UHMK1: variants seen among roughly 807,000 people sequenced by gnomAD.
UHMK1 encodes the protein U2AF homology motif kinase 1, also known as serine/threonine-protein kinase Kist.
UHMK1 carries 18 observed loss-of-function variants against 44.0 expected under a neutral mutation model. That is an observed-to-expected ratio of 0.41 (90% CI 0.28 to 0.61). The LOEUF (loss-of-function observed/expected upper bound fraction) is 0.61, where lower values mean the gene tolerates loss of function less well. Ranked by LOEUF, UHMK1 falls within the 20% of genes least tolerant of loss-of-function variation. UHMK1 has a pLI of 0.31. For synonymous variants in UHMK1, 231 were observed against 198.5 expected (o/e 1.16, Z -1.38); for missense variants, 463 against 522.5 (o/e 0.89, Z 1.11).
chr1:162,522,459 C>A lies in UHMK1; in HGVS notation c.1169C>A (p.Thr390Asn). ...TCCAAAGCTGCGCAGAAATTACTGA[C>A]TGGAAGGATGTTTGATGGGAAGTTT... ...GDSKAAQKLLTGRMFDGKFVV... is the reference protein window; with the variant it reads ...GDSKAAQKLLNGRMFDGKFVV... Residue 390 changes from threonine to asparagine, a missense_variant, in exon 8 of 8, where the codon ACT (threonine) becomes AAT (asparagine). Physicochemically the swap from Thr to Asn is moderately conservative, Grantham distance 65. Transcript: ENST00000489294. The A allele has an allele frequency of 6.2e-7, 1 of 1,614,134 alleles. No individual in the cohort carries two copies. The highest frequency in any genetic ancestry group is 1.7e-5 in the Admixed American group (1 of 60,016).
In UHMK1 at chr1:162,526,620, A is replaced by G. The variant is rs1047108957; in HGVS notation, c.*4070A>G. 2 of 152,110 alleles carry G rather than the reference A, an allele frequency of 1.3e-5. No homozygotes were observed. Among genetic ancestry groups the G allele is most frequent in the Non-Finnish European group, 2.9e-5 (2 of 67,976 alleles). 9.4% of individuals were successfully genotyped at this position (152,110 alleles called of 1,614,324 possible). Reference sequence around the variant, plus strand: ...GAGTAACTTTTAGATTGAGTCACATATGATAGTATAAAAGTCCAAAATTTT... The same window carrying G: ...GAGTAACTTTTAGATTGAGTCACATGTGATAGTATAAAAGTCCAAAATTTT... On this transcript the variant is annotated 3_prime_UTR_variant, in exon 8 of 8. Coordinates refer to ENST00000489294, the MANE Select transcript of UHMK1 (RefSeq NM_175866.5).
chr1:162,522,818 A>C lies in UHMK1; in HGVS notation c.*268A>C. The C allele has an allele frequency of 3.3e-6, 1 of 305,876 alleles. No individual in the cohort carries two copies. The highest frequency in any genetic ancestry group is 6.1e-6 in the Non-Finnish European group (1 of 165,244). 18.9% of individuals were successfully genotyped at this position (305,876 alleles called of 1,614,324 possible). ...TGCGGGAGAGCAGGTGTTGCTCTTC[A>C]GTATGTAGCCTAAAAAAATCTTAAT... On this transcript the variant is annotated 3_prime_UTR_variant, in exon 8 of 8. Transcript: ENST00000489294.
At chr1:162,509,398 A>T (rs183235252) in intron 4 of UHMK1, among the ~76,000 whole-genome samples, 1 of 152,068 alleles carries the variant, frequency 6.6e-6, no homozygotes, top group Non-Finnish European at 1.5e-5. Context: ...GATTACTCCA[A>T]CCTCTTATGA....
chr1:162,497,820 G>A lies in UHMK1; in HGVS notation c.-181G>A, dbSNP rs1022801315. 6 of 1,347,178 alleles carry A rather than the reference G, an allele frequency of 4.5e-6. No individual in the cohort carries two copies. The African/African-American group carries it at 7.7e-5, about 17-fold the overall frequency. The allele number at this position is 1,347,178 out of a possible 1,614,324, so 83.5% of individuals were successfully genotyped here. On this transcript the variant is annotated 5_prime_UTR_variant, in exon 1 of 8. Coordinates refer to ENST00000489294, the MANE Select transcript of UHMK1 (RefSeq NM_175866.5). ...CTCTTCCTCCATTTCCGGCTTCTGG[G>A]ACTCGGGTGCACCACGGCTTCCGGT... is the stretch of plus-strand genomic sequence containing the variant.
chr1:162,524,893 G>T lies in UHMK1; in HGVS notation c.*2343G>T, dbSNP rs3820486. ...AACCATGCATTTAATTAGATTTTTT[G>T]TTGTTGTTGTTGTTGTTTTGAGATG... On this transcript the variant is annotated 3_prime_UTR_variant, in exon 8 of 8. Transcript: ENST00000489294. 68,504 of 151,798 alleles carry T rather than the reference G, an allele frequency of 0.45. 15,531 individuals carry two copies. The highest frequency in any genetic ancestry group is 0.47 in the East Asian group (2,437 of 5,146). 9.4% of individuals were successfully genotyped at this position (151,798 alleles called of 1,614,324 possible). A position where few individuals can be genotyped will look rare whatever the true frequency, so the allele number is the denominator to read the frequency against.
At position 162,523,511 on chromosome 1, in the gene UHMK1, GA is replaced by G. The variant is rs1415144951; in HGVS notation, c.*962del. 1 of 152,548 alleles carries G rather than the reference GA, an allele frequency of 6.6e-6. No homozygotes were observed. Among genetic ancestry groups the G allele is most frequent in the African/African-American group, 2.4e-5 (1 of 41,410 alleles). The allele number at this position is 152,548 out of a possible 1,614,324, so 9.4% of individuals were successfully genotyped here. A position where few individuals can be genotyped will look rare whatever the true frequency, so the allele number is the denominator to read the frequency against. On this transcript the variant is annotated 3_prime_UTR_variant, in exon 8 of 8. Transcript: ENST00000489294. ...TCAACCCCTCTTTTAGTTTACTTTA[GA>G]CTTTGTATTAGCTCATCTTTTTTGT...
chr1:162,512,425 A>G, intron 4 of UHMK1, 75 bp from the exon 5 acceptor site: 2 of 1,180,392 alleles, frequency 1.7e-6, no homozygotes, highest in South Asian at 2.8e-5. Flanking sequence ...ACATTCAGAC[A>G]TTCTTACTTT....
chr1:162,514,735 G>C (rs1651779017), intron 6 of UHMK1, among the ~76,000 whole-genome samples: 1 of 152,170 alleles, frequency 6.6e-6, no homozygotes, highest in Admixed American at 6.5e-5. Context: ...AAACCACTTG[G>C]CAGATGGTGG....
chr1:162,505,701 A>G (rs1651443981), intron 4 of UHMK1, among the ~76,000 whole-genome samples: 1 of 152,250 alleles, frequency 6.6e-6, no homozygotes, highest in East Asian at 1.9e-4. Flanking sequence ...ATTAAATAGT[A>G]GGTTTTTCAG....
intron 4 of UHMK1, among the ~76,000 whole-genome samples, chr1:162,509,860 G>A (rs1241537960): frequency 6.6e-6 from 1 of 151,882 alleles, no homozygotes; most frequent in Admixed American, 6.6e-5. Flanking sequence ...GGCCAGGCTG[G>A]TCTCAAACTC....
rs771021371 is a variant in UHMK1, at chr1:162,512,588, ATTC to A, written c.925+15_925+17del. On this transcript the variant is annotated intron_variant, in intron 5 of 7. Transcript: ENST00000489294. ...TAGCATTCCTTTTGGTAAGTTGTGT[ATTC>A]TTTTATTTTTTTCTTGGTCATTTGA... 5.0e-6 allele frequency: 8 copies of A among 1,607,150 alleles called. No homozygotes were observed. The highest frequency in any genetic ancestry group is 1.3e-5 in the African/African-American group (1 of 74,312).
At chr1:162,499,609 A>C (rs1197697828) in intron 1 of UHMK1, among the ~76,000 whole-genome samples, 1 of 152,068 alleles carries the variant, frequency 6.6e-6, no homozygotes, top group African/African-American at 2.4e-5. Flanking sequence ...TGCAACAGTA[A>C]GTTTTATTTA....
At chr1:162,512,874 G>T in intron 6 of UHMK1, 51 bp downstream of exon 6, 3 of 1,492,674 alleles carry the variant, frequency 2.0e-6, no homozygotes, top group Non-Finnish European at 2.8e-6. Flanking sequence ...AATAAGTCTA[G>T]AATAAACATA....
chr1:162,513,171 C>T (rs1233890893), intron 6 of UHMK1: 1 of 244,050 alleles, frequency 4.1e-6, no homozygotes, highest in Non-Finnish European at 8.3e-6. Flanking sequence ...AACTCCTGTC[C>T]TCAGGTGATC....
chr1:162,502,732 A>AGCC (rs1651319904), intron 3 of UHMK1, among the ~76,000 whole-genome samples: 1 of 152,208 alleles, frequency 6.6e-6, no homozygotes, highest in East Asian at 1.9e-4. Flanking sequence ...GATTATGAGC[A>AGCC]TAGGCTCTAA....
At chr1:162,513,174 A>C (rs1651728161) in intron 6 of UHMK1, 3 of 242,228 alleles carry the variant, frequency 1.2e-5, no homozygotes, top group Non-Finnish European at 2.5e-5. Context: ...TCCTGTCCTC[A>C]GGTGATCCAC....
At chr1:162,516,804 A>G (rs1204904239) in intron 6 of UHMK1, among the ~76,000 whole-genome samples, 1 of 152,234 alleles carries the variant, frequency 6.6e-6, no homozygotes, top group Non-Finnish European at 1.5e-5. Flanking sequence ...CCAAACTGCA[A>G]TATCTTTGTT....
chr1:162,522,346 C>T (rs1652088053), intron 7 of UHMK1, 58 bp from the exon 8 acceptor site: 13 of 1,581,700 alleles, frequency 8.2e-6, no homozygotes, highest in Non-Finnish European at 1.1e-5. Flanking sequence ...GGTGGTAAAG[C>T]ACTGGTCTAA....
At chr1:162,518,376 T>C (rs1256827330) in intron 7 of UHMK1, among the ~76,000 whole-genome samples, 186 bp downstream of exon 7, 1 of 152,184 alleles carries the variant, frequency 6.6e-6, no homozygotes, top group East Asian at 1.9e-4. Context: ...TATGCTTGCA[T>C]TTTTTTAGCA....
Sources: gnomAD v4.1 joint callset for allele counts (sites outside exome capture counted in the v4.1 genomes callset) on GRCh38, gnomAD v4.1.1 for gene constraint, MANE v1.5 for transcripts, NCBI Gene and HGNC (gene_info 2026-07-23, HGNC 2026-07-21) for gene names.